The following CCND3 variants were observed in gnomAD, a reference collection of about 807,000 sequenced individuals.
The protein encoded by CCND3 is cyclin D3.
Under a neutral mutation model 28.7 loss-of-function variants are expected in CCND3, and 9 were observed. The observed-to-expected ratio is 0.31, with a 90% CI of 0.19 to 0.55. CCND3 has a LOEUF of 0.55. Ranked by LOEUF, CCND3 falls within the 20% of genes least tolerant of loss-of-function variation. The pLI is 0.93. For missense variants in CCND3, 315 were observed against 385.8 expected (o/e 0.82, Z 1.54); for synonymous variants, 164 against 163.9 (o/e 1.00, Z 0.00).
rs1370658194 is a variant in CCND3 at position 41,940,500 on chromosome 6, C to G, written c.284G>C (p.Arg95Pro). The G allele has an allele frequency of 1.9e-6, 3 of 1,614,012 alleles. No homozygotes were observed. In the East Asian group the frequency reaches 6.7e-5, roughly 36 times the overall value. The change falls in exon 2 of 5, where the codon CGA (arginine) becomes CCA (proline). Residue 95 changes from arginine (R) to proline (P), a missense_variant. Arg to Pro is a moderately radical substitution (Grantham distance 103). Coordinates refer to ENST00000372991, the MANE Select transcript of CCND3 (RefSeq NM_001760.5). ...LDRYLSCVPT[R>P]KAQLQLLGAV... ...ACCCAGGAGCTGCAACTGCGCCTTT[C>G]GGGTGGGGACGCAAGACAGGTAGCG... is the stretch of plus-strand genomic sequence containing the variant.
chr6:41,972,409 G>C (rs960617819), intron 1 of CCND3, among the ~76,000 whole-genome samples: 2 of 151,972 alleles, frequency 1.3e-5, no homozygotes, highest in Non-Finnish European at 2.9e-5. Context: ...ACTACATCAT[G>C]AAGGCTGCAA....
At chr6:42,049,030 C>T (rs1425440665), upstream of CCND3, 2 of 166,538 alleles carry the variant, frequency 1.2e-5, no homozygotes, top group Non-Finnish European at 2.5e-5. Context: ...TGAGGAGCGA[C>T]TTCTTTTTCT....
intron 1 of CCND3, among the ~76,000 whole-genome samples, chr6:42,023,677 A>G (rs1399421243): frequency 1.3e-5 from 2 of 148,240 alleles, no homozygotes; most frequent in Non-Finnish European, 3.0e-5. Flanking sequence ...TGTGAATGCC[A>G]GTCTGTATCT....
intron 1 of CCND3, among the ~76,000 whole-genome samples, chr6:41,948,572 C>T (rs948708585): frequency 6.6e-6 from 1 of 152,100 alleles, no homozygotes; most frequent in African/African-American, 2.4e-5. Flanking sequence ...GGCGCGGTGG[C>T]TCACGCCTGT....
intron 1 of CCND3, among the ~76,000 whole-genome samples, chr6:42,032,188 C>T (rs995008927): frequency 2.6e-5 from 4 of 152,202 alleles, no homozygotes; most frequent in African/African-American, 7.2e-5. Flanking sequence ...TGGGCTCAAG[C>T]GATTCTTCTG....
intron 1 of CCND3, among the ~76,000 whole-genome samples, chr6:41,960,448 C>T (rs1374078808): frequency 6.6e-6 from 1 of 152,206 alleles, no homozygotes; most frequent in Non-Finnish European, 1.5e-5. Flanking sequence ...TAATAAATTA[C>T]ATGGTCATCT....
rs1055506682 is a variant in CCND3, at chr6:41,991,251, G to T, written c.-45-50666C>A. ...TTTTTGTATTTTTAGTAGAGACAAG[G>T]TTTCACCATGTTGGCCAGGCTGGTC... On this transcript the variant is annotated intron_variant, in intron 1 of 4. Transcript: ENST00000372988. 4.6e-5 allele frequency among the ~76,000 whole-genome samples: 7 copies of T among 152,154 alleles called. No homozygotes were observed. In the East Asian group the frequency reaches 1.2e-3, roughly 25 times the overall value.
At chr6:41,998,505 C>G (rs1485157122) in intron 1 of CCND3, among the ~76,000 whole-genome samples, 1 of 151,010 alleles carries the variant, frequency 6.6e-6, no homozygotes, top group Non-Finnish European at 1.5e-5. Context: ...CCAACCACCA[C>G]GCCTGGCCAA....
At chr6:41,970,269 G>A (rs1762001245) in intron 1 of CCND3, among the ~76,000 whole-genome samples, 1 of 152,148 alleles carries the variant, frequency 6.6e-6, no homozygotes, top group Non-Finnish European at 1.5e-5. Context: ...AACCCAGGAG[G>A]CGGAGGTTGG....
chr6:42,002,653 C>T (rs1763045743), intron 1 of CCND3, among the ~76,000 whole-genome samples: 1 of 149,122 alleles, frequency 6.7e-6, no homozygotes, highest in African/African-American at 2.5e-5. Flanking sequence ...GAGATTGAGA[C>T]CATCCTGGCT....
chr6:41,961,350 C>T (rs1761712204), intron 1 of CCND3, among the ~76,000 whole-genome samples: 1 of 152,052 alleles, frequency 6.6e-6, no homozygotes, highest in Non-Finnish European at 1.5e-5. Context: ...AGGCAGATCA[C>T]AAGGTCAGCA....
At chr6:42,045,210 C>G (rs1764506919) in intron 1 of CCND3, among the ~76,000 whole-genome samples, 1 of 152,120 alleles carries the variant, frequency 6.6e-6, no homozygotes, top group East Asian at 1.9e-4. Context: ...TTCAGCCTCC[C>G]TGTCTCAGTG....
chr6:42,048,674 A>G lies in CCND3; in HGVS notation c.-219T>C, dbSNP rs1411692507. ...GAACAGAGCCAGTCTCCACCCCTGC[A>G]GTGGCGAAGTGTTTACAAAGTCCGC... On this transcript the variant is annotated 5_prime_UTR_variant, in exon 1 of 5. Transcript: ENST00000372988. This position sits in a 1 kb window ranked among gnomAD's most constrained non-coding sequence, Gnocchi z 4.7. 1.9e-6 allele frequency: 1 copy of G among 518,104 alleles called. No individual in the cohort carries two copies. The highest frequency in any genetic ancestry group is 3.9e-6 in the Non-Finnish European group (1 of 259,600). 32.1% of individuals were successfully genotyped at this position (518,104 alleles called of 1,614,324 possible).
chr6:42,015,990 G>A (rs368138172), intron 1 of CCND3, among the ~76,000 whole-genome samples: 3 of 150,602 alleles, frequency 2.0e-5, no homozygotes, highest in African/African-American at 7.3e-5. Context: ...CCAGGCTGGA[G>A]TGCAGTGGCG....
chr6:41,945,914 T>C (rs898298802), upstream of CCND3, among the ~76,000 whole-genome samples: 2 of 152,166 alleles, frequency 1.3e-5, no homozygotes, highest in African/African-American at 4.8e-5. Flanking sequence ...TCTCAAGGAG[T>C]ACCCTTTCTG....
At chr6:42,004,096 T>TA (rs1763110600) in intron 1 of CCND3, among the ~76,000 whole-genome samples, 1 of 137,152 alleles carries the variant, frequency 7.3e-6, no homozygotes, top group Admixed American at 7.6e-5. Context: ...GTGTATGTAT[T>TA]TTTTTTTTTT....
intron 1 of CCND3, among the ~76,000 whole-genome samples, chr6:41,946,859 C>A (rs1203383991): frequency 1.3e-5 from 2 of 151,646 alleles, no homozygotes; most frequent in African/African-American, 4.9e-5. Flanking sequence ...CCGAGGTGGG[C>A]GGATCACCTG....
intron 1 of CCND3, among the ~76,000 whole-genome samples, chr6:42,039,918 C>A (rs944923162): frequency 3.3e-5 from 5 of 152,302 alleles, no homozygotes; most frequent in African/African-American, 1.2e-4. Flanking sequence ...TGGGCTTGCC[C>A]GGGGGGATTC....
intron 1 of CCND3, among the ~76,000 whole-genome samples, chr6:41,962,744 T>A (rs1032105564): frequency 8.0e-6 from 1 of 124,674 alleles, no homozygotes; most frequent in African/African-American, 3.2e-5. Context: ...AGTGAGATCC[T>A]GTCTCAAAAA....
Sources: allele counts gnomAD v4.1 joint callset (sites outside exome capture counted in the v4.1 genomes callset), GRCh38; gene constraint gnomAD v4.1.1; non-coding constraint Gnocchi (gnomAD v3.1); transcripts MANE v1.5; gene names NCBI Gene and HGNC (gene_info 2026-07-23, HGNC 2026-07-21).